Variants in DAB2IP observed in about 807,000 individuals in gnomAD.
DAB2IP encodes the protein DAB2 interacting protein, also known as disabled homolog 2-interacting protein.
In DAB2IP, 28 loss-of-function variants were observed where a neutral mutation model predicts 107.2. The observed-to-expected ratio is 0.26, with a 90% confidence interval of 0.19 to 0.36. DAB2IP has a LOEUF of 0.36. DAB2IP is among the 10% of genes least tolerant of loss of function. The pLI is 1.00. For missense variants in DAB2IP, 1,400 were observed against 1,644.7 expected (o/e 0.85, Z 2.57); for synonymous variants, 755 against 706.4 (o/e 1.07, Z -1.09).
At chr9:121,589,289 C>T (rs1830374708) in intron 1 of DAB2IP, among the ~76,000 whole-genome samples, 1 of 152,146 alleles carries the variant, frequency 6.6e-6, no homozygotes, top group African/African-American at 2.4e-5. Context: ...CATGGTGCAG[C>T]CCTGCCTCTT....
chr9:121,688,866 C>CCACTTCTGCCAGCCCCCA (rs1343798549), intron 2 of DAB2IP, among the ~76,000 whole-genome samples: 4 of 152,132 alleles, frequency 2.6e-5, no homozygotes, highest in Admixed American at 2.0e-4. Context: ...CGTGACCTCT[C>CCACTTCTGCCAGCCCCCA]CACTTCTGCC....
chr9:121,576,756 G>A (rs781701195), intron 1 of DAB2IP, among the ~76,000 whole-genome samples: 3 of 149,218 alleles, frequency 2.0e-5, no homozygotes, highest in East Asian at 1.9e-4. Context: ...GCAGATTCTG[G>A]GGGGGGAGGG....
At position 121,760,090 on chromosome 9, in the gene DAB2IP, A is replaced by G. The variant is rs1172531220; in HGVS notation, c.821A>G (p.His274Arg). 6.2e-7 allele frequency: 1 copy of G among 1,613,942 alleles called. No individual in the cohort carries two copies. The highest frequency in any genetic ancestry group is 1.7e-5 in the Admixed American group (1 of 60,020). ...CCGCCTCTGCGCACGGTCACTGTCC[A>G]CCTGTACCGGGAGACCGACAAGAAG... is the stretch of plus-strand genomic sequence containing the variant. Residue 274 changes from histidine to arginine, a missense_variant, in exon 6 of 16, where the codon CAC (histidine) becomes CGC (arginine). Transcript: ENST00000408936. This position sits in a 1 kb window ranked among gnomAD's most constrained non-coding sequence, Gnocchi z 5.9.
Position 121,599,464 on chromosome 9 carries a change from G to A in DAB2IP, c.40+32236G>A, listed in dbSNP as rs563502915. On this transcript the variant is annotated intron_variant, in intron 1 of 16. Coordinates refer to the DAB2IP transcript ENST00000259371. This position sits in a 1 kb window ranked among gnomAD's most constrained non-coding sequence, Gnocchi z 6.9. The stretch of plus-strand genomic sequence containing the variant: ...CCGCGCTGGGTCCCGGGCCTGGCGG[G>A]CGGAGCTGTGGGCGGCTGGGCCTGC... 1.6e-4 allele frequency among the ~76,000 whole-genome samples: 25 copies of A among 152,148 alleles called. No individual in the cohort carries two copies. The highest frequency in any genetic ancestry group is 5.5e-4 in the African/African-American group (23 of 41,560).
chr9:121,765,145 T>C (rs901598410), intron 8 of DAB2IP, among the ~76,000 whole-genome samples: 2 of 152,220 alleles, frequency 1.3e-5, no homozygotes, highest in African/African-American at 4.8e-5. Context: ...GGAGAGCGAC[T>C]GTAGGGCCTT....
intron 1 of DAB2IP, among the ~76,000 whole-genome samples, chr9:121,653,408 CCCTT>C (rs1374148936): frequency 6.6e-6 from 1 of 151,712 alleles, no homozygotes; most frequent in East Asian, 1.9e-4. Context: ...TGTACTTACT[CCCTT>C]CCCCTGGACT....
chr9:121,755,218 AGCGGTGTG>A (rs1234047880), intron 3 of DAB2IP, among the ~76,000 whole-genome samples: 1 of 152,154 alleles, frequency 6.6e-6, no homozygotes, highest in Non-Finnish European at 1.5e-5. Flanking sequence ...GTTCCAACAC[AGCGGTGTG>A]GCGGTGTGAT....
rs988135830 is a variant in DAB2IP at position 121,634,979 on chromosome 9, G to A, written c.41-43699G>A. 5.3e-5 allele frequency among the ~76,000 whole-genome samples: 8 copies of A among 152,312 alleles called. No homozygotes were observed. The highest frequency in any genetic ancestry group is 5.2e-4 in the Admixed American group (8 of 15,304). ...GATGCCTGATACCATGGGGCCCTGT[G>A]TGCCAGTGCGGCCCACCCAGCCTCA... On this transcript the variant is annotated intron_variant, in intron 1 of 16. Coordinates refer to the DAB2IP transcript ENST00000259371. The surrounding 1 kb of genome is among the most constrained non-coding windows in gnomAD (Gnocchi z 4.7).
intron 1 of DAB2IP, among the ~76,000 whole-genome samples, chr9:121,613,700 G>A (rs1037681469): frequency 6.6e-6 from 1 of 152,176 alleles, no homozygotes; most frequent in African/African-American, 2.4e-5. Context: ...TCGCAAACTC[G>A]CGGAGGGATA....
chr9:121,724,590 G>C (rs776243595), intron 3 of DAB2IP, among the ~76,000 whole-genome samples: 4 of 152,228 alleles, frequency 2.6e-5, no homozygotes, highest in Non-Finnish European at 5.9e-5. Flanking sequence ...ACCCTGATGT[G>C]TCTCTGGCAC....
At chr9:121,643,975 C>A (rs1318398434) in intron 1 of DAB2IP, among the ~76,000 whole-genome samples, 1 of 152,202 alleles carries the variant, frequency 6.6e-6, no homozygotes, top group Non-Finnish European at 1.5e-5. Flanking sequence ...CGAGACCAGT[C>A]TGAGCATCAT....
chr9:121,745,581 G>A (rs1471381871), intron 3 of DAB2IP, among the ~76,000 whole-genome samples: 1 of 149,438 alleles, frequency 6.7e-6, no homozygotes, highest in East Asian at 2.0e-4. Context: ...CAGACATAGT[G>A]GAGGCGCTCA....
chr9:121,602,037 C>T (rs1441464300), intron 1 of DAB2IP, among the ~76,000 whole-genome samples: 1 of 152,104 alleles, frequency 6.6e-6, no homozygotes, highest in Admixed American at 6.5e-5. Flanking sequence ...AACCACCCGC[C>T]ACTCCCACTC....
chr9:121,750,305 T>C (rs1296444911), intron 3 of DAB2IP, among the ~76,000 whole-genome samples: 1 of 152,162 alleles, frequency 6.6e-6, no homozygotes, highest in Non-Finnish European at 1.5e-5. Context: ...TGCATTTCTG[T>C]AGCATTCACT....
At chr9:121,669,947 T>A (rs1200082263) in intron 1 of DAB2IP, among the ~76,000 whole-genome samples, 1 of 152,214 alleles carries the variant, frequency 6.6e-6, no homozygotes, top group African/African-American at 2.4e-5. Context: ...CATGCCTGCG[T>A]ATAGTTCTCT....
Position 121,659,749 on chromosome 9 carries a change from G to A in DAB2IP, c.124+7850G>A, listed in dbSNP as rs147938847. Among the ~76,000 whole-genome samples the A allele has an allele frequency of 4.9e-4, 74 of 152,136 alleles. 2 individuals are homozygous for A. The East Asian group carries it at 0.012, about 25-fold the overall frequency. ...GCTGAGCTTGCAGTGAGCCGAGATC[G>A]CGCCACTGCACTCCAGCCTGGGTGA... On this transcript the variant is annotated intron_variant, in intron 1 of 15. Coordinates refer to ENST00000408936, the Ensembl canonical transcript of DAB2IP.
At position 121,604,344 on chromosome 9, in the gene DAB2IP, C is replaced by T. The variant is rs537378381; in HGVS notation, c.40+37116C>T. The stretch of plus-strand genomic sequence containing the variant: ...GCTGAGGGGGTCCAGCTGCCTGTTT[C>T]CCATCCCAGGTGGGCCTCCAGCAAC... On this transcript the variant is annotated intron_variant, in intron 1 of 16. Transcript: ENST00000259371. Among the ~76,000 whole-genome samples, 577 of 152,340 alleles carry T rather than the reference C, an allele frequency of 3.8e-3. 4 individuals are homozygous for T. The highest frequency in any genetic ancestry group is 0.014 in the African/African-American group (562 of 41,574).
intron 3 of DAB2IP, among the ~76,000 whole-genome samples, chr9:121,710,132 G>A (rs965977992): frequency 6.6e-6 from 1 of 152,160 alleles, no homozygotes; most frequent in African/African-American, 2.4e-5. Context: ...CCACCCCACA[G>A]TACTGCCCTC....
intron 1 of DAB2IP, among the ~76,000 whole-genome samples, chr9:121,603,909 C>A (rs1053607248): frequency 6.6e-6 from 1 of 151,938 alleles, no homozygotes; most frequent in African/African-American, 2.4e-5. Context: ...GCAGAGTGCT[C>A]CATGGGAATT....
Sources: allele counts gnomAD v4.1 joint callset (sites outside exome capture counted in the v4.1 genomes callset), GRCh38; gene constraint gnomAD v4.1.1; non-coding constraint Gnocchi (gnomAD v3.1); transcripts MANE v1.5; gene names NCBI Gene and HGNC (gene_info 2026-07-23, HGNC 2026-07-21).